Variants in CDK12 observed in about 807,000 individuals in gnomAD.
The protein encoded by CDK12 is cyclin dependent kinase 12.
CDK12 carries 17 observed loss-of-function variants against 133.8 expected under a neutral mutation model. The observed-to-expected ratio is 0.13, with a 90% confidence interval of 0.09 to 0.19. CDK12 has a LOEUF of 0.19. Among genes scored for constraint, CDK12 ranks in the 10% least tolerant of loss-of-function variants. The pLI, the probability that CDK12 is intolerant of heterozygous loss-of-function variation, is 1.00. For synonymous variants in CDK12, 694 were observed against 683.6 expected (o/e 1.02, Z -0.24); for missense variants, 1,508 against 1,818.7 (o/e 0.83, Z 3.11).
chr17:39,547,396 A>T (rs1007016816), upstream of CDK12, among the ~76,000 whole-genome samples: 3 of 152,120 alleles, frequency 2.0e-5, no homozygotes, highest in African/African-American at 7.2e-5. Context: ...TTGGCCTCCC[A>T]AAGTGCTGGG....
intron 2 of CDK12, among the ~76,000 whole-genome samples, chr17:39,481,712 TTC>T (rs1284407696): frequency 1.5e-4 from 1 of 6,832 alleles, no homozygotes; most frequent in Admixed American, 1.2e-3. Context: ...CTCTCTCTCT[TTC>T]TCTTTTCTTT....
chr17:39,508,246 A>G (rs2053258266), intron 6 of CDK12, among the ~76,000 whole-genome samples: 2 of 152,056 alleles, frequency 1.3e-5, no homozygotes, highest in African/African-American at 4.8e-5. Flanking sequence ...ACATTTTTGG[A>G]TTTGGATGCA....
intron 13 of CDK12, among the ~76,000 whole-genome samples, chr17:39,527,857 A>C (rs1167766482): frequency 6.6e-6 from 1 of 151,092 alleles, no homozygotes; most frequent in Non-Finnish European, 1.5e-5. Context: ...TGAAGTTTTA[A>C]ATTTATTTTT....
intron 6 of CDK12, among the ~76,000 whole-genome samples, chr17:39,504,396 GGTTT>G (rs780049070): frequency 3.9e-5 from 6 of 152,062 alleles, no homozygotes; most frequent in Non-Finnish European, 5.9e-5. Context: ...AAGATAGGCA[GGTTT>G]AAGAAGGGAG....
intron 10 of CDK12, among the ~76,000 whole-genome samples, chr17:39,519,204 A>G (rs1265863033): frequency 6.6e-6 from 1 of 151,180 alleles, no homozygotes; most frequent in Non-Finnish European, 1.5e-5. Flanking sequence ...TGCCCGGCCC[A>G]GCATTTCTTA....
intron 6 of CDK12, 73 bp from the exon 7 acceptor site, chr17:39,509,632 G>A: frequency 1.1e-6 from 1 of 943,940 alleles, no homozygotes; most frequent in East Asian, 2.4e-5. Flanking sequence ...CCCTAACTTG[G>A]CGCATGACTT....
chr17:39,521,531 G>A (rs563414895), intron 11 of CDK12, among the ~76,000 whole-genome samples: 27 of 152,004 alleles, frequency 1.8e-4, no homozygotes, highest in Admixed American at 1.2e-3. Context: ...CCAAGGTGCC[G>A]GGATTACAGA....
chr17:39,469,636 CTTT>C (rs1232951407), intron 1 of CDK12, among the ~76,000 whole-genome samples: 4 of 132,804 alleles, frequency 3.0e-5, no homozygotes, highest in African/African-American at 2.8e-5. Context: ...AGTATGACTT[CTTT>C]TTTTTTTTTT....
chr17:39,514,447 T>A lies in CDK12; in HGVS notation c.2769-1284T>A, dbSNP rs189641543. On this transcript the variant is annotated intron_variant, in intron 8 of 13. Transcript: ENST00000447079. ...ATAGGTCAGACAGATTCATCGACCT[T>A]TTTTTTTCTTTCCCCACTTTAAAAA... Among the ~76,000 whole-genome samples the A allele has an allele frequency of 4.6e-4, 70 of 152,166 alleles. 1 individual carries two copies. The highest frequency in any genetic ancestry group is 8.2e-4 in the Non-Finnish European group (56 of 67,996).
Position 39,530,630 on chromosome 17 carries a change from GAGA to G in CDK12, c.3791_3793del (p.Lys1264del), listed in dbSNP as rs1210645580. ...ATGTCCTCCTCACATTCTTCCACCA[GAGA>G]AGAGGCCCCCTGAGCCCCCCGGACC... On this transcript the variant is annotated inframe_deletion, in exon 14 of 14. Coordinates refer to ENST00000447079, the MANE Select transcript of CDK12 (RefSeq NM_016507.4). The G allele has an allele frequency of 6.2e-7, 1 of 1,603,760 alleles. No individual in the cohort carries two copies. Among genetic ancestry groups the G allele is most frequent in the African/African-American group, 1.3e-5 (1 of 74,582 alleles).
chr17:39,515,569 T>G (rs2146462505), intron 8 of CDK12, among the ~76,000 whole-genome samples, 162 bp from the exon 9 acceptor site: 1 of 152,334 alleles, frequency 6.6e-6, no homozygotes, highest in South Asian at 2.1e-4. Flanking sequence ...TACTGTCTGT[T>G]TCACTGCAAG....
In CDK12 at chr17:39,534,176, A is replaced by G. The variant is rs2055024943; in HGVS notation, c.*2860A>G. The G allele has an allele frequency of 4.3e-6, 1 of 232,828 alleles. No individual in the cohort carries two copies. The highest frequency in any genetic ancestry group is 2.2e-5 in the African/African-American group (1 of 45,334). 14.4% of individuals were successfully genotyped at this position (232,828 alleles called of 1,614,324 possible). A position where few individuals can be genotyped will look rare whatever the true frequency, so the allele number is the denominator to read the frequency against. ...GGAACGATAAGTATTTGAAAGCAAC[A>G]TCAAATCTATACGTTTAAAGCAGGG... On this transcript the variant is annotated 3_prime_UTR_variant, in exon 14 of 14. Transcript: ENST00000447079.
intron 10 of CDK12, among the ~76,000 whole-genome samples, chr17:39,518,266 T>C (rs1219410156): frequency 2.0e-5 from 3 of 151,906 alleles, no homozygotes; most frequent in Non-Finnish European, 4.4e-5. Context: ...CGTGAGCCTC[T>C]GAGTCCGGCC....
At chr17:39,527,551 A>G (rs575982752) in intron 13 of CDK12, among the ~76,000 whole-genome samples, 16 of 152,198 alleles carry the variant, frequency 1.1e-4, no homozygotes, top group East Asian at 1.9e-4. Flanking sequence ...TTGTTTGTTT[A>G]TTTGTTTGTT....
At chr17:39,542,048 C>G (rs572177218) in intron 1 of CDK12, among the ~76,000 whole-genome samples, 29 of 152,168 alleles carry the variant, frequency 1.9e-4, no homozygotes, top group African/African-American at 6.7e-4. Flanking sequence ...CCTGAGAGCC[C>G]TGAGCTTCTT....
intron 1 of CDK12, among the ~76,000 whole-genome samples, chr17:39,465,678 A>G (rs2049257366): frequency 6.6e-6 from 1 of 151,906 alleles, no homozygotes; most frequent in Admixed American, 6.6e-5. Flanking sequence ...TTTAGTAGAG[A>G]CAGGGCTTTA....
At chr17:39,523,341 G>T (rs1450132197) in intron 11 of CDK12, among the ~76,000 whole-genome samples, 1 of 151,980 alleles carries the variant, frequency 6.6e-6, no homozygotes, top group Non-Finnish European at 1.5e-5. Context: ...CAGGCGTAGT[G>T]GCGTGTACCT....
chr17:39,562,832 T>G (rs1567826757), intron 3 of CDK12, among the ~76,000 whole-genome samples: 1 of 151,376 alleles, frequency 6.6e-6, no homozygotes, highest in South Asian at 2.1e-4. Flanking sequence ...TTCAACGCAT[T>G]TTCCTCTCTC....
intron 2 of CDK12, among the ~76,000 whole-genome samples, chr17:39,474,986 C>T (rs1181456764): frequency 6.6e-6 from 1 of 151,692 alleles, no homozygotes; most frequent in Non-Finnish European, 1.5e-5. Flanking sequence ...AAGCATGTGC[C>T]ACCATGCCTG....
Sources: gnomAD v4.1 joint callset for allele counts (sites outside exome capture counted in the v4.1 genomes callset) on GRCh38, gnomAD v4.1.1 for gene constraint, MANE v1.5 for transcripts, NCBI Gene and HGNC (gene_info 2026-07-23, HGNC 2026-07-21) for gene names.